TASP1: variants seen among roughly 807,000 people sequenced by gnomAD.
TASP1 encodes threonine aspartase 1.
A neutral mutation model predicts 56.6 loss-of-function variants in TASP1; 16 were observed. That is an observed-to-expected ratio of 0.28 (90% CI 0.19 to 0.43). The LOEUF is 0.43. TASP1 is among the 20% of genes least tolerant of loss of function. TASP1 has a pLI of 1.00. For synonymous variants in TASP1, 179 were observed against 184.2 expected, an observed-to-expected ratio of 0.97 and a Z score of 0.23; for missense variants, 393 against 511.6, an observed-to-expected ratio of 0.77 and a Z score of 2.24.
chr20:13,584,408 C>T lies in TASP1; in HGVS notation c.403+2842G>A, dbSNP rs143802967. On this transcript the variant is annotated intron_variant, in intron 5 of 13. Transcript: ENST00000337743. ...AGGACATTTATAAACAGGGTTAAAA[C>T]GCAAGCCACACAAGAGGTATGAACA... 5.3e-4 allele frequency among the ~76,000 whole-genome samples: 81 copies of T among 152,146 alleles called. No individual in the cohort carries two copies. The East Asian group carries it at 0.014, about 26-fold the overall frequency.
chr20:13,559,621 G>C (rs982428776), intron 7 of TASP1, among the ~76,000 whole-genome samples: 3 of 152,144 alleles, frequency 2.0e-5, no homozygotes, highest in Admixed American at 1.3e-4. Flanking sequence ...TTTGGTTCTA[G>C]ATGTAAAGAG....
intron 4 of TASP1, among the ~76,000 whole-genome samples, chr20:13,614,196 T>C (rs1304187782): frequency 3.9e-5 from 6 of 152,170 alleles, no homozygotes; most frequent in South Asian, 2.1e-4. Context: ...TGGATGTAAG[T>C]TGAGAGAACA....
chr20:13,626,172 C>G (rs999789504), intron 2 of TASP1, among the ~76,000 whole-genome samples: 1 of 152,208 alleles, frequency 6.6e-6, no homozygotes, highest in Non-Finnish European at 1.5e-5. Context: ...TGCCTGCAAT[C>G]CCAGCACTTT....
chr20:13,567,970 T>C (rs1278168733), intron 7 of TASP1, among the ~76,000 whole-genome samples: 1 of 152,170 alleles, frequency 6.6e-6, no homozygotes, highest in Non-Finnish European at 1.5e-5. Flanking sequence ...ACCTAATTTG[T>C]TTGCCTGATA....
At chr20:13,339,315 C>T in the TASP1 span, among the ~76,000 whole-genome samples, 1 of 152,286 alleles carries the variant, frequency 6.6e-6, no homozygotes, top group South Asian at 2.1e-4. Flanking sequence ...CACATGATAT[C>T]ATCAGCTCTA....
At chr20:13,136,515 A>G in the TASP1 span, among the ~76,000 whole-genome samples, 1 of 151,712 alleles carries the variant, frequency 6.6e-6, no homozygotes, top group Admixed American at 6.6e-5. Context: ...TGGGAGGATC[A>G]CTTGACCCTA....
chr20:13,110,182 G>T, the TASP1 span: 1 of 1,613,586 alleles, frequency 6.2e-7, no homozygotes, highest in South Asian at 1.1e-5. Flanking sequence ...GCAGAGCTTG[G>T]AAAAAGATTC....
At chr20:13,569,744 A>G (rs1160150511) in intron 6 of TASP1, among the ~76,000 whole-genome samples, 158 bp from the exon 7 acceptor site, 2 of 152,132 alleles carry the variant, frequency 1.3e-5, no homozygotes, top group Non-Finnish European at 2.9e-5. Flanking sequence ...ATGCTAAAAA[A>G]TTCCTGAAAA....
At chr20:13,520,446 C>T (rs996364016) in intron 10 of TASP1, among the ~76,000 whole-genome samples, 1 of 152,130 alleles carries the variant, frequency 6.6e-6, no homozygotes, top group Non-Finnish European at 1.5e-5. Context: ...TGGAACAGAA[C>T]AGAGCCCTCA....
the TASP1 span, among the ~76,000 whole-genome samples, chr20:13,248,568 AGC>A: frequency 6.6e-6 from 1 of 152,204 alleles, no homozygotes; most frequent in Non-Finnish European, 1.5e-5. Flanking sequence ...TTACCTCTTG[AGC>A]CAGGCCTCAT....
At chr20:13,475,170 C>T (rs2044675939) in intron 11 of TASP1, among the ~76,000 whole-genome samples, 1 of 152,062 alleles carries the variant, frequency 6.6e-6, no homozygotes, top group Non-Finnish European at 1.5e-5. Context: ...TTCTTTCTCT[C>T]CTTTATAGTT....
At chr20:13,128,853 C>A in the TASP1 span, among the ~76,000 whole-genome samples, 1 of 149,588 alleles carries the variant, frequency 6.7e-6, no homozygotes, top group African/African-American at 2.5e-5. Context: ...AACAGGCATG[C>A]ACCACCATGC....
At chr20:13,139,629 A>C in the TASP1 span, among the ~76,000 whole-genome samples, 2 of 152,212 alleles carry the variant, frequency 1.3e-5, no homozygotes, top group African/African-American at 4.8e-5. Context: ...TTTGTAACTC[A>C]GTCACATGAC....
the TASP1 span, among the ~76,000 whole-genome samples, chr20:13,121,181 C>T: frequency 6.6e-6 from 1 of 152,192 alleles, no homozygotes; most frequent in African/African-American, 2.4e-5. Flanking sequence ...AACACTGGCT[C>T]CCACAGCCTC....
chr20:13,374,071 CAGAATT>C, the TASP1 span, among the ~76,000 whole-genome samples: 10 of 152,240 alleles, frequency 6.6e-5, no homozygotes, highest in East Asian at 1.5e-3. Context: ...TTCTTGACAC[CAGAATT>C]ACCATTTGGT....
At chr20:13,267,518 C>T in the TASP1 span, among the ~76,000 whole-genome samples, 2 of 152,134 alleles carry the variant, frequency 1.3e-5, no homozygotes, top group Admixed American at 1.3e-4. Context: ...GGGGAGGGTA[C>T]AGGGCTCTTC....
rs1464652252 is a variant in TASP1, at chr20:13,534,278, T to C, written c.676-137A>G. 10 of 1,036,602 alleles carry C rather than the reference T, an allele frequency of 9.6e-6. No homozygotes were observed. The South Asian group carries it at 1.1e-4, about 11-fold the overall frequency. 64.2% of individuals were successfully genotyped at this position (1,036,602 alleles called of 1,614,324 possible). ...CTAAGTGGAACATTGAGCAATCTCC[T>C]AAAATTATCTATTATCAAGTTGCCA... On this transcript the variant is annotated intron_variant, in intron 8 of 13. Coordinates refer to ENST00000337743, the MANE Select transcript of TASP1 (RefSeq NM_017714.3).
At chr20:13,409,705 CAT>C (rs1211316585) in intron 13 of TASP1, among the ~76,000 whole-genome samples, 1 of 151,748 alleles carries the variant, frequency 6.6e-6, no homozygotes, top group Non-Finnish European at 1.5e-5. Flanking sequence ...TTTATTGACA[CAT>C]AATATTTTAC....
chr20:13,615,749 C>T (rs1000283882), intron 4 of TASP1, among the ~76,000 whole-genome samples: 1 of 151,972 alleles, frequency 6.6e-6, no homozygotes, highest in Admixed American at 6.6e-5. Flanking sequence ...GTGATCCGCC[C>T]GTCTCGGCCT....
Sources: allele counts gnomAD v4.1 joint callset (sites outside exome capture counted in the v4.1 genomes callset), GRCh38; gene constraint gnomAD v4.1.1; transcripts MANE v1.5; gene names NCBI Gene and HGNC (gene_info 2026-07-23, HGNC 2026-07-21).